Variants in EIF3F observed in about 807,000 individuals in gnomAD.
EIF3F encodes the protein deubiquitinating enzyme eIF3f.
In EIF3F, 8 loss-of-function variants were observed where a neutral mutation model predicts 36.0. The ratio of observed to expected loss-of-function variants is 0.22; its 90% confidence interval spans 0.13 to 0.40. The LOEUF is 0.40. EIF3F is among the 10% of genes least tolerant of loss of function. The probability of loss-of-function intolerance (pLI) is 1.00; values close to 1 mark genes in which losing one functional copy is unlikely to be tolerated. For missense variants in EIF3F, 430 were observed against 467.6 expected (o/e 0.92, Z 0.74); for synonymous variants, 184 against 188.5 (o/e 0.98, Z 0.19).
intron 1 of EIF3F, among the ~76,000 whole-genome samples, chr11:7,989,571 A>G (rs1942068716): frequency 6.6e-6 from 1 of 152,220 alleles, no homozygotes; most frequent in African/African-American, 2.4e-5. Context: ...CTGTTAAGGT[A>G]TTTAGAATTC....
At position 8,001,198 on chromosome 11, in the gene EIF3F, A is replaced by G. The variant is rs1942216617; in HGVS notation, c.*5176A>G. 6.6e-6 allele frequency: 1 copy of G among 152,250 alleles called. No individual in the cohort carries two copies. The highest frequency in any genetic ancestry group is 6.5e-5 in the Admixed American group (1 of 15,286). 9.4% of individuals were successfully genotyped at this position (152,250 alleles called of 1,614,324 possible). On this transcript the variant is annotated 3_prime_UTR_variant, in exon 8 of 8. Transcript: ENST00000651655. The stretch of plus-strand genomic sequence containing the variant: ...AATTAAAACGATGTCATTTTTAAAA[A>G]TCAGATTCGCAAATTTTAAAAGTTG...
chr11:7,987,665 A>C lies in EIF3F; in HGVS notation c.313A>C (p.Ser105Arg). The change falls in exon 1 of 8, where the codon AGC (serine) becomes CGC (arginine). Residue 105 changes from serine (S) to arginine (R), a missense_variant. Physicochemically the swap from Ser to Arg is moderately radical, Grantham distance 110. Around this residue, in one of 2 missense-constraint regions of EIF3F, gnomAD observed 262 missense variants for 347.4 expected, o/e 0.75. Transcript: ENST00000651655. ...AGTCATTTTGGCCTCCATTGTGGAC[A>C]GCTACGAGAGACGCAACGAGGGTGC... is the stretch of plus-strand genomic sequence containing the variant. ...HPVILASIVD[S>R]YERRNEGAAR... The C allele has an allele frequency of 1.3e-6, 2 of 1,525,646 alleles. No individual in the cohort carries two copies. Among genetic ancestry groups the C allele is most frequent in the Non-Finnish European group, 1.8e-6 (2 of 1,140,856 alleles). The allele number at this position is 1,525,646 out of a possible 1,614,324, so 94.5% of individuals were successfully genotyped here.
chr11:7,995,426 A>G (rs763594867), intron 7 of EIF3F, 59 bp downstream of exon 7: 1 of 1,357,936 alleles, frequency 7.4e-7, no homozygotes, highest in African/African-American at 1.4e-5. Flanking sequence ...CAGCACATAC[A>G]CTCAAATGTG....
chr11:7,995,228 C>T (rs777329831), intron 6 of EIF3F, 26 bp from the exon 7 acceptor site: 16 of 1,610,092 alleles, frequency 9.9e-6, no homozygotes, highest in Non-Finnish European at 1.3e-5. Flanking sequence ...TTAACTGCCT[C>T]ATCGAGTCTT....
chr11:7,991,620 G>A (rs1942096630), intron 1 of EIF3F, among the ~76,000 whole-genome samples, 161 bp from the exon 2 acceptor site: 2 of 152,202 alleles, frequency 1.3e-5, no homozygotes, highest in South Asian at 2.1e-4. Context: ...GTTCCCTGGA[G>A]AATTCTGGTC....
At position 7,995,721 on chromosome 11, in the gene EIF3F, G is replaced by A. The variant is rs895709115; in HGVS notation, c.997-224G>A. The A allele has an allele frequency of 1.5e-5, 9 of 607,490 alleles. No homozygotes were observed. In the African/African-American group the frequency reaches 1.7e-4, roughly 11 times the overall value. 37.6% of individuals were successfully genotyped at this position (607,490 alleles called of 1,614,324 possible). A position where few individuals can be genotyped will look rare whatever the true frequency, so the allele number is the denominator to read the frequency against. On this transcript the variant is annotated intron_variant, in intron 7 of 7. Transcript: ENST00000651655. ...CCCTATATTCCATCCATGGGTTTCA[G>A]CTAAGGCACCCCTAGTCTATAAGTG...
chr11:7,996,375 A>C lies in EIF3F; in HGVS notation c.*353A>C. The C allele has an allele frequency of 5.3e-6, 1 of 187,932 alleles. No individual in the cohort carries two copies. The highest frequency in any genetic ancestry group is 1.1e-5 in the Non-Finnish European group (1 of 90,586). 11.6% of individuals were successfully genotyped at this position (187,932 alleles called of 1,614,324 possible). Reference sequence around the variant, plus strand: ...TTTCTTGAGGATTCATGTGATTTCTACAGGAAATGAAAATAAGAATCCATG... The same window carrying C: ...TTTCTTGAGGATTCATGTGATTTCTCCAGGAAATGAAAATAAGAATCCATG... On this transcript the variant is annotated 3_prime_UTR_variant, in exon 8 of 8. Coordinates refer to ENST00000651655, the MANE Select transcript of EIF3F (RefSeq NM_003754.3).
At position 8,000,946 on chromosome 11, in the gene EIF3F, A is replaced by C. The variant is rs762577850; in HGVS notation, c.*4924A>C. ...ACTGACAAATTTAGCAACATTTTTA[A>C]AATCTGAGTGTCAAATTACACACAT... is the stretch of plus-strand genomic sequence containing the variant. On this transcript the variant is annotated 3_prime_UTR_variant, in exon 8 of 8. Transcript: ENST00000651655. 1 of 152,232 alleles carries C rather than the reference A, an allele frequency of 6.6e-6. No individual in the cohort carries two copies. The highest frequency in any genetic ancestry group is 1.5e-5 in the Non-Finnish European group (1 of 68,036). 9.4% of individuals were successfully genotyped at this position (152,232 alleles called of 1,614,324 possible).
In EIF3F at chr11:8,001,111, C is replaced by T. The variant is rs1271494571; in HGVS notation, c.*5089C>T. ...TACATTAGTGTGTAAAGGATATGAC[C>T]AGACAGCTCACACACAGACACACAA... is the stretch of plus-strand genomic sequence containing the variant. On this transcript the variant is annotated 3_prime_UTR_variant, in exon 8 of 8. Coordinates refer to ENST00000651655, the MANE Select transcript of EIF3F (RefSeq NM_003754.3). The T allele has an allele frequency of 6.6e-6, 1 of 152,112 alleles. No individual in the cohort carries two copies. Among genetic ancestry groups the T allele is most frequent in the East Asian group, 1.9e-4 (1 of 5,206 alleles). 9.4% of individuals were successfully genotyped at this position (152,112 alleles called of 1,614,324 possible).
At chr11:7,994,858 C>A in intron 5 of EIF3F, 124 bp from the exon 6 acceptor site, 1 of 1,401,188 alleles carries the variant, frequency 7.1e-7, no homozygotes, top group Non-Finnish European at 9.8e-7. Flanking sequence ...CAGACTGAGT[C>A]TAAGGGGAGT....
intron 1 of EIF3F, among the ~76,000 whole-genome samples, chr11:7,990,258 T>G (rs1211977247): frequency 1.3e-5 from 2 of 152,308 alleles, no homozygotes; most frequent in Non-Finnish European, 2.9e-5. Flanking sequence ...CATTGGAATA[T>G]AGAAGGTAAT....
At chr11:7,990,900 T>TAAATAAATTAAA (rs1554914921) in intron 1 of EIF3F, among the ~76,000 whole-genome samples, 1 of 136,878 alleles carries the variant, frequency 7.3e-6, no homozygotes, top group Non-Finnish European at 1.6e-5. Context: ...AATAAATAAA[T>TAAATAAATTAAA]AAAAGAAATA....
rs1216482853 is a variant in EIF3F at position 7,995,923 on chromosome 11, T to C, written c.997-22T>C. On this transcript the variant is annotated intron_variant, in intron 7 of 7. Coordinates refer to ENST00000651655, the MANE Select transcript of EIF3F (RefSeq NM_003754.3). ...CCCTTTCCACCCAACCCCCCACTCA[T>C]TGTGTATTCTTTGTCTTCCAGGACC... 3.7e-6 allele frequency: 6 copies of C among 1,610,042 alleles called. No homozygotes were observed. In the African/African-American group the frequency reaches 5.3e-5, roughly 14 times the overall value.
At chr11:7,995,153 A>C in intron 6 of EIF3F, 35 bp downstream of exon 6, 1 of 1,611,168 alleles carries the variant, frequency 6.2e-7, no homozygotes, top group Non-Finnish European at 8.5e-7. Flanking sequence ...GGGGGAGGAC[A>C]TAGTTCTCTA....
intron 1 of EIF3F, among the ~76,000 whole-genome samples, chr11:7,989,724 T>C (rs1025924319): frequency 6.6e-6 from 1 of 152,208 alleles, no homozygotes; most frequent in African/African-American, 2.4e-5. Context: ...GACTTAACTA[T>C]TTCAGAAGGT....
chr11:7,997,300 T>C lies in EIF3F; in HGVS notation c.*1278T>C, dbSNP rs1942171708. 1 of 152,222 alleles carries C rather than the reference T, an allele frequency of 6.6e-6. No individual in the cohort carries two copies. The highest frequency in any genetic ancestry group is 2.1e-4 in the South Asian group (1 of 4,830). The allele number at this position is 152,222 out of a possible 1,614,324, so 9.4% of individuals were successfully genotyped here. ...AATCAGAGTCAAAATGTTTCAGTGT[T>C]CTTACATTTTTGGGAGTAGCCAGTT... On this transcript the variant is annotated 3_prime_UTR_variant, in exon 8 of 8. Coordinates refer to ENST00000651655, the MANE Select transcript of EIF3F (RefSeq NM_003754.3).
At chr11:7,994,373 C>A in intron 4 of EIF3F, 53 bp from the exon 5 acceptor site, 1 of 1,511,088 alleles carries the variant, frequency 6.6e-7, no homozygotes, top group Non-Finnish European at 9.1e-7. Flanking sequence ...CCAGAATAGA[C>A]ATGGAAACCC....
At chr11:7,992,246 T>A in intron 3 of EIF3F, 83 bp downstream of exon 3, 1 of 1,205,414 alleles carries the variant, frequency 8.3e-7, no homozygotes, top group Non-Finnish European at 1.2e-6. Context: ...CTGGATCTTA[T>A]ACTCTTCCTT....
At chr11:7,987,852 A>C in intron 1 of EIF3F, 136 bp downstream of exon 1, 1 of 1,257,470 alleles carries the variant, frequency 8.0e-7, no homozygotes, top group Non-Finnish European at 1.0e-6. Context: ...CTTAATCTAT[A>C]TCTGCATCCT....
Sources: allele counts gnomAD v4.1 joint callset (sites outside exome capture counted in the v4.1 genomes callset), GRCh38; gene constraint gnomAD v4.1.1; regional missense constraint gnomAD v4.1.1; transcripts MANE v1.5; gene names NCBI Gene and HGNC (gene_info 2026-07-23, HGNC 2026-07-21).